MILR1: variants seen among roughly 807,000 people sequenced by gnomAD.
MILR1 encodes the protein allergin-1.
A neutral mutation model predicts 18.5 loss-of-function variants in MILR1; 31 were observed. The ratio of observed to expected loss-of-function variants is 1.68; its 90% CI spans 1.26 to 2.26. The LOEUF is 2.26. MILR1 is among the 30% of genes most tolerant of loss of function. MILR1 has a pLI of 0.00. For missense variants in MILR1, 257 were observed against 157.4 expected (o/e 1.63, Z -3.38); for synonymous variants, 85 against 56.2 (o/e 1.51, Z -2.30).
the MILR1 span, among the ~76,000 whole-genome samples, chr17:64,489,806 T>C: frequency 1.3e-5 from 2 of 152,032 alleles, no homozygotes; most frequent in Non-Finnish European, 2.9e-5. Context: ...CATTAGTAAC[T>C]GATCTGGGCA....
At chr17:64,492,827 T>A in the MILR1 span, 2 of 1,602,630 alleles carry the variant, frequency 1.2e-6, no homozygotes, top group Admixed American at 3.3e-5. Context: ...ATATAATTTA[T>A]CCCAAGTGGA....
In MILR1 at chr17:64,466,610, G is replaced by A; in HGVS notation, c.927G>A (p.Gln309=). 6.2e-7 allele frequency: 1 copy of A among 1,611,414 alleles called. No homozygotes were observed. The highest frequency in any genetic ancestry group is 8.5e-7 in the Non-Finnish European group (1 of 1,178,798). Residue 309 remains glutamine, a synonymous_variant, in exon 8 of 10, where the codon CAG becomes CAA. Coordinates refer to ENST00000619286, the MANE Select transcript of MILR1 (RefSeq NM_001085423.2). ...STAQDEAKHS[Q]ELQYATPVFQ... ...TTTGCCCAGAGGCCAAACACTCCCA[G>A]GAGCTACAGTATGCCACCCCCGTGT...
chr17:64,457,086 A>G (rs2037315904), intron 3 of MILR1, among the ~76,000 whole-genome samples: 1 of 152,308 alleles, frequency 6.6e-6, no homozygotes, highest in African/African-American at 2.4e-5. Flanking sequence ...TATATTCATT[A>G]TTAACAATAA....
At chr17:64,469,703 A>G (rs553352917), downstream of MILR1, among the ~76,000 whole-genome samples, 91 of 151,980 alleles carry the variant, frequency 6.0e-4, no homozygotes, top group African/African-American at 1.8e-3. Context: ...CTGGCCCTCC[A>G]TTTCCTGATC....
the MILR1 span, among the ~76,000 whole-genome samples, chr17:64,489,028 CT>C: frequency 1.9e-3 from 255 of 136,410 alleles, no homozygotes; most frequent in Middle Eastern, 4.0e-3. Flanking sequence ...TTTTCTTTTT[CT>C]TTTTTTTTTT....
chr17:64,459,975 A>ATTATT lies in MILR1; in HGVS notation c.653-845_653-844insATTTT, dbSNP rs1555522297. On this transcript the variant is annotated intron_variant, in intron 4 of 9. Transcript: ENST00000619286. ...TGGTCATGACTTTTTAAACTTTATT[A>ATTATT]TTTTTATTTTATTTTATTTTATTTA... 1.3e-3 allele frequency among the ~76,000 whole-genome samples: 181 copies of ATTATT among 138,456 alleles called. 1 individual carries two copies. Among genetic ancestry groups the ATTATT allele is most frequent in the East Asian group, 3.2e-3 (15 of 4,736 alleles). 90.8% of individuals were successfully genotyped at this position (138,456 alleles called of 152,430 possible).
rs936645885 is a variant in MILR1, at chr17:64,451,684, G to A, written c.98-913G>A. Among the ~76,000 whole-genome samples the A allele has an allele frequency of 3.9e-5, 6 of 151,958 alleles. No homozygotes were observed. In the East Asian group the frequency reaches 7.8e-4, roughly 20 times the overall value. ...CACAGTGACTCACACCTGTAATCCC[G>A]GCACTTTGGGAGGCTGAAGCAGGCA... On this transcript the variant is annotated intron_variant, in intron 2 of 9. Transcript: ENST00000619286.
the MILR1 span, among the ~76,000 whole-genome samples, chr17:64,494,019 T>C: frequency 6.6e-6 from 1 of 152,246 alleles, no homozygotes; most frequent in Non-Finnish European, 1.5e-5. Context: ...CATATGGTGA[T>C]ATTTTAGTTG....
intron 7 of MILR1, 28 bp downstream of exon 7, chr17:64,466,526 ACT>A: frequency 1.2e-6 from 2 of 1,612,452 alleles, no homozygotes. Context: ...AGTCTATTCC[ACT>A]GCCCTCATGC....
chr17:64,464,442 G>A (rs1349640747), intron 5 of MILR1, among the ~76,000 whole-genome samples: 2 of 151,206 alleles, frequency 1.3e-5, no homozygotes, highest in African/African-American at 4.9e-5. Context: ...GTCTCACTAT[G>A]TTCCCCAGGG....
chr17:64,474,231 T>C, the MILR1 span, among the ~76,000 whole-genome samples: 2 of 152,120 alleles, frequency 1.3e-5, no homozygotes, highest in African/African-American at 4.8e-5. Flanking sequence ...CCTGCCACCA[T>C]GCCCAGTTAA....
chr17:64,470,157 G>A (rs1045839218), downstream of MILR1, among the ~76,000 whole-genome samples: 5 of 152,136 alleles, frequency 3.3e-5, no homozygotes, highest in East Asian at 5.8e-4. Flanking sequence ...GCAGGGGCAC[G>A]ATTTCGGCTC....
At chr17:64,475,776 A>G in the MILR1 span, among the ~76,000 whole-genome samples, 1 of 151,294 alleles carries the variant, frequency 6.6e-6, no homozygotes, top group Admixed American at 6.6e-5. Flanking sequence ...GGCCACCCCA[A>G]AAAAGAAACA....
the MILR1 span, among the ~76,000 whole-genome samples, chr17:64,494,387 A>G: frequency 6.6e-6 from 1 of 152,014 alleles, no homozygotes; most frequent in Non-Finnish European, 1.5e-5. Context: ...AAGGTAGTAA[A>G]TATCCACTCC....
intron 5 of MILR1, among the ~76,000 whole-genome samples, chr17:64,463,886 C>A (rs2037487263): frequency 6.8e-6 from 1 of 146,708 alleles, no homozygotes; most frequent in Non-Finnish European, 1.5e-5. Context: ...TGCAGTGGCA[C>A]AATCTCCGCT....
Position 64,468,334 on chromosome 17 carries a change from G to C in MILR1, c.*53G>C, listed in dbSNP as rs1555663913. 1 of 454,090 alleles carries C rather than the reference G, an allele frequency of 2.2e-6. No individual in the cohort carries two copies. 28.1% of individuals were successfully genotyped at this position (454,090 alleles called of 1,614,324 possible). ...GATGGAGTCTCACTCTGTTGCCCAG[G>C]CTGGAGTTCAGTAGCGCGATCTTGG... is the stretch of plus-strand genomic sequence containing the variant. On this transcript the variant is annotated 3_prime_UTR_variant, in exon 10 of 10. Transcript: ENST00000619286.
the MILR1 span, chr17:64,478,036 TA>T: frequency 6.3e-7 from 1 of 1,588,402 alleles, no homozygotes; most frequent in Non-Finnish European, 8.6e-7. Flanking sequence ...ATGTAAATAA[TA>T]AATTCCTCCA....
chr17:64,460,402 A>G (rs1388088660), intron 4 of MILR1, among the ~76,000 whole-genome samples: 1 of 152,114 alleles, frequency 6.6e-6, no homozygotes, highest in Non-Finnish European at 1.5e-5. Context: ...CAGTGGCACA[A>G]TCATAGCTCA....
intron 5 of MILR1, among the ~76,000 whole-genome samples, chr17:64,465,084 ACT>A (rs1209637165): frequency 1.3e-5 from 2 of 152,128 alleles, no homozygotes; most frequent in African/African-American, 4.8e-5. Flanking sequence ...ACAGAGCGAG[ACT>A]CCATCTTAAA....
Sources: allele counts gnomAD v4.1 joint callset (sites outside exome capture counted in the v4.1 genomes callset), GRCh38; gene constraint gnomAD v4.1.1; transcripts MANE v1.5; gene names NCBI Gene and HGNC (gene_info 2026-07-23, HGNC 2026-07-21).